ADAMTSL1: variants seen among roughly 807,000 people sequenced by gnomAD.
ADAMTSL1 encodes the protein ADAMTS like 1, also known as ADAMTS-like protein 1.
A neutral mutation model predicts 201.8 loss-of-function variants in ADAMTSL1; 126 were observed. The ratio of observed to expected loss-of-function variants is 0.62; its 90% CI spans 0.54 to 0.72. The LOEUF is 0.72. Ranked by LOEUF, ADAMTSL1 falls within the 30% of genes least tolerant of loss-of-function variation. The pLI is 0.00. For synonymous variants in ADAMTSL1, 1,121 were observed against 903.4 expected (o/e 1.24, Z -4.32); for missense variants, 2,679 against 2,277.8 (o/e 1.18, Z -3.59).
At chr9:18,638,692 G>A (rs530422290) in intron 6 of ADAMTSL1, among the ~76,000 whole-genome samples, 45 of 152,160 alleles carry the variant, frequency 3.0e-4, no homozygotes, top group African/African-American at 1.0e-3. Context: ...ATTTTAAAAA[G>A]AAAATACTGA....
At chr9:18,192,639 T>A (rs937273945) in intron 2 of ADAMTSL1, among the ~76,000 whole-genome samples, 3 of 152,160 alleles carry the variant, frequency 2.0e-5, no homozygotes, top group Admixed American at 2.0e-4. Flanking sequence ...TAAATTTCTT[T>A]TACTGGATAA....
chr9:18,822,750 T>C (rs1824290429), intron 21 of ADAMTSL1, among the ~76,000 whole-genome samples: 1 of 152,232 alleles, frequency 6.6e-6, no homozygotes. Context: ...AATAAGTGAT[T>C]GTGTTTATAA....
At chr9:18,335,663 G>A (rs1794547181) in intron 2 of ADAMTSL1, among the ~76,000 whole-genome samples, 1 of 151,944 alleles carries the variant, frequency 6.6e-6, no homozygotes, top group South Asian at 2.1e-4. Context: ...TTAGAACCAG[G>A]TACTCCAAAA....
intron 14 of ADAMTSL1, among the ~76,000 whole-genome samples, chr9:18,714,985 C>A: frequency 8.4e-6 from 1 of 119,550 alleles, no homozygotes; most frequent in Non-Finnish European, 1.8e-5. Flanking sequence ...TAAACAGAAC[C>A]AAAGACAAAA....
chr9:18,670,743 A>T (rs1424938333), intron 9 of ADAMTSL1, among the ~76,000 whole-genome samples: 2 of 152,224 alleles, frequency 1.3e-5, no homozygotes, highest in African/African-American at 4.8e-5. Flanking sequence ...GTCCTAAGAG[A>T]TGCAGTAAAG....
At chr9:18,769,133 G>A (rs1441362248) in intron 16 of ADAMTSL1, among the ~76,000 whole-genome samples, 1 of 152,162 alleles carries the variant, frequency 6.6e-6, no homozygotes, top group Non-Finnish European at 1.5e-5. Context: ...AAGCTGGGCT[G>A]CAGCTATGTT....
chr9:18,013,072 A>T (rs1563948671), intron 1 of ADAMTSL1, among the ~76,000 whole-genome samples: 1 of 151,858 alleles, frequency 6.6e-6, no homozygotes, highest in East Asian at 1.9e-4. Context: ...TAAGTATCAT[A>T]AGGGTATTAT....
intron 3 of ADAMTSL1, among the ~76,000 whole-genome samples, chr9:18,546,248 G>C (rs940094869): frequency 1.3e-5 from 2 of 152,132 alleles, no homozygotes; most frequent in Admixed American, 6.6e-5. Context: ...TTTCAACTCA[G>C]TTGAGAGTTT....
At chr9:18,313,157 G>C (rs1023686288) in intron 2 of ADAMTSL1, among the ~76,000 whole-genome samples, 1 of 152,170 alleles carries the variant, frequency 6.6e-6, no homozygotes, top group Admixed American at 6.5e-5. Flanking sequence ...AGTAGGTATG[G>C]GGTAAGGCCC....
chr9:18,316,684 G>T (rs1166455008), intron 2 of ADAMTSL1, among the ~76,000 whole-genome samples: 1 of 151,938 alleles, frequency 6.6e-6, no homozygotes, highest in Non-Finnish European at 1.5e-5. Flanking sequence ...TACAATTTAT[G>T]CAGTTAATGC....
At chr9:18,256,473 G>T (rs1041663024) in intron 2 of ADAMTSL1, among the ~76,000 whole-genome samples, 1 of 152,142 alleles carries the variant, frequency 6.6e-6, no homozygotes, top group African/African-American at 2.4e-5. Flanking sequence ...GATGCTTAAT[G>T]GAGCTTGCAA....
At chr9:18,837,262 A>T (rs1825368968) in intron 23 of ADAMTSL1, among the ~76,000 whole-genome samples, 1 of 152,062 alleles carries the variant, frequency 6.6e-6, no homozygotes, top group Non-Finnish European at 1.5e-5. Context: ...ATTTATCTTT[A>T]GTTAGTTTTG....
chr9:18,176,591 G>A (rs66807403), intron 2 of ADAMTSL1, among the ~76,000 whole-genome samples: 7,627 of 152,142 alleles, frequency 0.05, 238 homozygotes, highest in African/African-American at 0.088. Context: ...AGTTTTTCCA[G>A]GGTCACAAAG....
At chr9:18,052,769 C>G (rs979498931) in intron 1 of ADAMTSL1, among the ~76,000 whole-genome samples, 1 of 151,774 alleles carries the variant, frequency 6.6e-6, no homozygotes, top group Admixed American at 6.6e-5. Context: ...TTAGTTAACC[C>G]AGCTGTGTTT....
At chr9:17,950,748 T>C (rs1827702487) in intron 1 of ADAMTSL1, among the ~76,000 whole-genome samples, 1 of 152,088 alleles carries the variant, frequency 6.6e-6, no homozygotes, top group Non-Finnish European at 1.5e-5. Context: ...TGAAAACAGA[T>C]GGCACGGCAC....
rs1451567767 is a variant in ADAMTSL1, at chr9:18,910,345, T to C, written c.*1797T>C. ...TTATTAGGATTTCTTATTAAAAAAG[T>C]GCAATATTAATAATTGTACATTGTC... On this transcript the variant is annotated 3_prime_UTR_variant, in exon 29 of 29. Coordinates refer to ENST00000380548, the MANE Select transcript of ADAMTSL1 (RefSeq NM_001040272.6). 1.3e-5 allele frequency: 2 copies of C among 152,228 alleles called. No homozygotes were observed. The highest frequency in any genetic ancestry group is 2.9e-5 in the Non-Finnish European group (2 of 68,040). 9.4% of individuals were successfully genotyped at this position (152,228 alleles called of 1,614,324 possible). A position where few individuals can be genotyped will look rare whatever the true frequency, so the allele number is the denominator to read the frequency against.
At chr9:18,369,258 C>A (rs768406990) in intron 2 of ADAMTSL1, among the ~76,000 whole-genome samples, 1 of 152,168 alleles carries the variant, frequency 6.6e-6, no homozygotes, top group Admixed American at 6.5e-5. Flanking sequence ...GTTGTGAGAT[C>A]TCAAGCAAAT....
intron 5 of ADAMTSL1, among the ~76,000 whole-genome samples, chr9:18,633,639 T>C (rs893489581): frequency 9.2e-5 from 4 of 43,526 alleles, no homozygotes; most frequent in Admixed American, 8.0e-4. Context: ...TAATCTTAAC[T>C]TTTTTTTTTT....
intron 1 of ADAMTSL1, among the ~76,000 whole-genome samples, chr9:18,156,897 T>C (rs112694060): frequency 5.3e-5 from 8 of 152,058 alleles, no homozygotes; most frequent in Admixed American, 5.2e-4. Flanking sequence ...TGGGGTATAA[T>C]ATGTTTTTAA....
Sources: allele counts gnomAD v4.1 joint callset (sites outside exome capture counted in the v4.1 genomes callset), GRCh38; gene constraint gnomAD v4.1.1; transcripts MANE v1.5; gene names NCBI Gene and HGNC (gene_info 2026-07-23, HGNC 2026-07-21).